The following RAVER2 variants were observed in gnomAD, a reference collection of about 807,000 sequenced individuals.
The protein encoded by RAVER2 is ribonucleoprotein PTB-binding 2.
In RAVER2, 46 loss-of-function variants were observed where a neutral mutation model predicts 78.1. The observed-to-expected ratio is 0.59, with a 90% CI of 0.46 to 0.75. RAVER2 has a LOEUF of 0.75. Ranked by LOEUF, RAVER2 falls within the 30% of genes least tolerant of loss-of-function variation. RAVER2 has a pLI of 0.00. For missense variants in RAVER2, 793 were observed against 837.5 expected, an observed-to-expected ratio of 0.95 and a Z score of 0.66; for synonymous variants, 311 against 313.3, an observed-to-expected ratio of 0.99 and a Z score of 0.08.
rs933953546 is a variant in RAVER2, at chr1:64,803,024, T to C, written c.1154T>C (p.Ile385Thr). 2.5e-6 allele frequency: 4 copies of C among 1,609,188 alleles called. No individual in the cohort carries two copies. The African/African-American group carries it at 4.0e-5, about 16-fold the overall frequency. Residue 385 changes from isoleucine to threonine, a missense_variant, in exon 6 of 12, where the codon ATC (isoleucine) becomes ACC (threonine). Coordinates refer to ENST00000294428, the Ensembl canonical transcript of RAVER2. The stretch of plus-strand genomic sequence containing the variant: ...TTGCCACATCTGATGAATCCATCCA[T>C]CTCTCCTGCATTTTTACATTTGAAT...
chr1:64,791,905 C>T (rs368480947), intron 5 of RAVER2, among the ~76,000 whole-genome samples: 3 of 152,096 alleles, frequency 2.0e-5, no homozygotes, highest in African/African-American at 7.2e-5. Flanking sequence ...ACCATGAAAC[C>T]TCAGTCATTT....
At position 64,804,972 on chromosome 1, in the gene RAVER2, T is replaced by C. The variant is rs1231760538; in HGVS notation, c.1297-19T>C. 1.2e-6 allele frequency: 2 copies of C among 1,608,290 alleles called. No homozygotes were observed. Among genetic ancestry groups the C allele is most frequent in the Admixed American group, 3.4e-5 (2 of 59,506 alleles). On this transcript the variant is annotated intron_variant, in intron 7 of 11. Coordinates refer to ENST00000294428, the Ensembl canonical transcript of RAVER2. The stretch of plus-strand genomic sequence containing the variant: ...ATATCTTATGGCCATGGGTCTTACC[T>C]TTTTTTCTTCTTTTGTAGAAACCCG...
intron 1 of RAVER2, among the ~76,000 whole-genome samples, chr1:64,767,228 A>G (rs933453100): frequency 6.6e-6 from 1 of 151,684 alleles, no homozygotes; most frequent in Non-Finnish European, 1.5e-5. Flanking sequence ...TTTATTATCC[A>G]TTTCTATATT....
intron 11 of RAVER2, among the ~76,000 whole-genome samples, chr1:64,824,904 T>C (rs2780888): frequency 0.48 from 68,182 of 141,478 alleles, 18,706 homozygotes; most frequent in African/African-American, 0.77. Context: ...GCACTCCAGC[T>C]TGGGCAACAG....
chr1:64,781,452 G>A, exon 4 of RAVER2: 1 of 1,613,970 alleles, frequency 6.2e-7, no homozygotes, highest in Non-Finnish European at 8.5e-7. Context: ...GCAGGCTGAA[G>A]AGGTCCAGCA....
intron 7 of RAVER2, 72 bp from the exon 8 acceptor site, chr1:64,804,919 T>A: frequency 6.5e-7 from 1 of 1,536,110 alleles, no homozygotes; most frequent in Non-Finnish European, 9.0e-7. Flanking sequence ...TGTTTATGAA[T>A]TTTCACGTGT....
chr1:64,828,424 A>G (rs922983723), intron 11 of RAVER2, among the ~76,000 whole-genome samples: 6 of 152,072 alleles, frequency 3.9e-5, no homozygotes, highest in Non-Finnish European at 8.8e-5. Flanking sequence ...AGAAGGAAAA[A>G]TATTTGCTAA....
chr1:64,799,442 T>G (rs1421840157), intron 5 of RAVER2, among the ~76,000 whole-genome samples: 1 of 152,052 alleles, frequency 6.6e-6, no homozygotes, highest in Non-Finnish European at 1.5e-5. Flanking sequence ...GTTGTTTTTG[T>G]TGTTATTTGT....
At chr1:64,747,082 G>A (rs991217035) in intron 1 of RAVER2, among the ~76,000 whole-genome samples, 1 of 152,006 alleles carries the variant, frequency 6.6e-6, no homozygotes, top group African/African-American at 2.4e-5. Context: ...ATTTCCCTTC[G>A]CAATAGACAT....
At chr1:64,820,322 G>A (rs1653854908) in intron 11 of RAVER2, among the ~76,000 whole-genome samples, 1 of 151,970 alleles carries the variant, frequency 6.6e-6, no homozygotes, top group African/African-American at 2.4e-5. Flanking sequence ...ATATCCGAAT[G>A]GTAAACCTAA....
At chr1:64,812,875 T>G (rs763640628) in intron 10 of RAVER2, 26 bp downstream of exon 10, 1 of 1,493,496 alleles carries the variant, frequency 6.7e-7, no homozygotes, top group South Asian at 1.3e-5. Context: ...GTATTCTTGT[T>G]GTGGAGTTTT....
chr1:64,779,032 T>C (rs1039628266), intron 3 of RAVER2, among the ~76,000 whole-genome samples: 2 of 149,794 alleles, frequency 1.3e-5, no homozygotes, highest in African/African-American at 4.9e-5. Flanking sequence ...TAAAATTGTA[T>C]TTATCATGTA....
chr1:64,799,309 C>T (rs1653192473), intron 5 of RAVER2, among the ~76,000 whole-genome samples: 1 of 152,150 alleles, frequency 6.6e-6, no homozygotes, highest in Admixed American at 6.5e-5. Context: ...ACCACATTTT[C>T]TTTATCCATT....
chr1:64,785,686 T>G (rs1481346521), intron 4 of RAVER2, among the ~76,000 whole-genome samples: 1 of 152,062 alleles, frequency 6.6e-6, no homozygotes, highest in Non-Finnish European at 1.5e-5. Context: ...CCTAACTTTT[T>G]AACATGCATA....
At chr1:64,747,510 C>A (rs1488774157) in intron 1 of RAVER2, among the ~76,000 whole-genome samples, 1 of 150,414 alleles carries the variant, frequency 6.6e-6, no homozygotes, top group East Asian at 1.9e-4. Context: ...TCATTTCTTT[C>A]TTTCTTTTTT....
At chr1:64,830,861 A>C in exon 12 of RAVER2, 2 of 1,607,826 alleles carry the variant, frequency 1.2e-6, no homozygotes, top group Middle Eastern at 3.3e-4. Flanking sequence ...AGAAATGAAA[A>C]GCGAGGCTCA....
At chr1:64,803,940 C>T (rs923730927) in intron 6 of RAVER2, among the ~76,000 whole-genome samples, 2 of 152,090 alleles carry the variant, frequency 1.3e-5, no homozygotes, top group Admixed American at 6.5e-5. Context: ...GATAATATTC[C>T]CTGTGTTTTA....
intron 1 of RAVER2, among the ~76,000 whole-genome samples, chr1:64,755,722 T>C (rs1213347900): frequency 1.5e-5 from 2 of 133,464 alleles, no homozygotes; most frequent in Non-Finnish European, 3.1e-5. Context: ...TTATGCTTCA[T>C]AGTTTTTTTT....
intron 1 of RAVER2, among the ~76,000 whole-genome samples, chr1:64,751,746 A>G (rs1651704402): frequency 6.6e-6 from 1 of 151,960 alleles, no homozygotes; most frequent in African/African-American, 2.4e-5. Context: ...TAAAATCTTT[A>G]CTTTATTTTG....
Sources: gnomAD v4.1 joint callset for allele counts (sites outside exome capture counted in the v4.1 genomes callset) on GRCh38, gnomAD v4.1.1 for gene constraint, MANE v1.5 for transcripts, NCBI Gene and HGNC (gene_info 2026-07-23, HGNC 2026-07-21) for gene names.